Variants in UBR3 observed in about 807,000 individuals in gnomAD.
UBR3 encodes E3 ubiquitin-protein ligase UBR3.
In UBR3, 85 loss-of-function variants were observed where a neutral mutation model predicts 243.2. The ratio of observed to expected loss-of-function variants is 0.35; its 90% CI spans 0.29 to 0.42. The LOEUF is 0.42. Ranked by LOEUF, UBR3 falls within the 10% of genes least tolerant of loss-of-function variation. The probability of loss-of-function intolerance (pLI) is 1.00; values close to 1 mark genes in which losing one functional copy is unlikely to be tolerated. For missense variants in UBR3, 1,686 were observed against 2,300.8 expected, an observed-to-expected ratio of 0.73 and a Z score of 5.47; for synonymous variants, 748 against 799.8, an observed-to-expected ratio of 0.94 and a Z score of 1.09.
chr2:169,857,219 C>T (rs2082917786), intron 1 of UBR3, among the ~76,000 whole-genome samples: 1 of 150,520 alleles, frequency 6.6e-6, no homozygotes, highest in Admixed American at 6.6e-5. Context: ...GACTTACAGG[C>T]ACGTGTCACC....
chr2:169,878,044 A>G (rs1253709793), intron 4 of UBR3, among the ~76,000 whole-genome samples: 2 of 152,156 alleles, frequency 1.3e-5, no homozygotes, highest in Non-Finnish European at 2.9e-5. Context: ...GTATCAACCT[A>G]TTAGGTCCAA....
At chr2:170,040,736 A>C in intron 31 of UBR3, 146 bp from the exon 32 acceptor site, 2 of 634,742 alleles carry the variant, frequency 3.2e-6, no homozygotes, top group South Asian at 3.2e-5. Flanking sequence ...TTTGCAAAAA[A>C]TATGACTCCT....
intron 24 of UBR3, among the ~76,000 whole-genome samples, chr2:169,973,518 C>T (rs2088275446): frequency 6.6e-6 from 1 of 151,960 alleles, no homozygotes; most frequent in Non-Finnish European, 1.5e-5. Flanking sequence ...TCAAACTATA[C>T]TAGAAACACT....
At chr2:169,941,256 A>C (rs2086574415) in intron 19 of UBR3, among the ~76,000 whole-genome samples, 1 of 152,226 alleles carries the variant, frequency 6.6e-6, no homozygotes, top group Non-Finnish European at 1.5e-5. Flanking sequence ...ACATGTTCCA[A>C]GACCCACAGT....
chr2:169,896,148 C>T (rs1331052877), intron 7 of UBR3, among the ~76,000 whole-genome samples: 2 of 152,032 alleles, frequency 1.3e-5, no homozygotes, highest in African/African-American at 4.8e-5. Context: ...ATTAGTTGGG[C>T]GTGATGGCGT....
intron 32 of UBR3, among the ~76,000 whole-genome samples, chr2:170,049,983 A>G (rs1050173701): frequency 6.6e-6 from 1 of 152,190 alleles, no homozygotes; most frequent in African/African-American, 2.4e-5. Flanking sequence ...TAACACTTAT[A>G]TTGTGATCAC....
rs1228457608 is a variant in UBR3, at chr2:170,061,121, T to C, written c.4828T>C (p.Phe1610Leu). The change falls in exon 34 of 39, where the codon TTT (phenylalanine) becomes CTT (leucine). Residue 1610 changes from phenylalanine to leucine, a missense_variant. Phe to Leu is a conservative substitution (Grantham distance 22). This residue lies in a region of UBR3 where 371 missense variants were observed against 422.5 expected (regional missense o/e 0.88). Coordinates refer to ENST00000272793, the MANE Select transcript of UBR3 (RefSeq NM_172070.4). ...AEKSYEVLLSFVISELFKGKL... is the reference protein window; with the variant it reads ...AEKSYEVLLSLVISELFKGKL... ...AAAGTCTTACGAAGTATTACTGAGC[T>C]TTGTGATAAGTGAACTATTTAAAGG... 1 of 1,600,156 alleles carries C rather than the reference T, an allele frequency of 6.2e-7. No homozygotes were observed. The highest frequency in any genetic ancestry group is 8.5e-7 in the Non-Finnish European group (1 of 1,176,288).
intron 32 of UBR3, among the ~76,000 whole-genome samples, chr2:170,045,833 A>G (rs568496361): frequency 6.6e-6 from 1 of 152,276 alleles, no homozygotes; most frequent in South Asian, 2.1e-4. Context: ...AGTCTTCAGT[A>G]TGTATCTCTA....
intron 5 of UBR3, among the ~76,000 whole-genome samples, chr2:169,888,639 A>T (rs1187571784): frequency 6.6e-6 from 1 of 152,178 alleles, no homozygotes; most frequent in African/African-American, 2.4e-5. Context: ...GCATATGCTA[A>T]AGGTTATGAT....
At chr2:170,042,855 G>A (rs955835201) in intron 32 of UBR3, among the ~76,000 whole-genome samples, 1 of 151,528 alleles carries the variant, frequency 6.6e-6, no homozygotes, top group Non-Finnish European at 1.5e-5. Flanking sequence ...TTTTTTGGGG[G>A]GTTAGACTGT....
At chr2:169,874,552 T>C (rs776965022) in intron 2 of UBR3, among the ~76,000 whole-genome samples, 1 of 152,218 alleles carries the variant, frequency 6.6e-6, no homozygotes, top group African/African-American at 2.4e-5. Flanking sequence ...TCCAAGGTAA[T>C]GAAAACTCAG....
intron 19 of UBR3, among the ~76,000 whole-genome samples, chr2:169,941,154 T>C (rs900290955): frequency 6.6e-6 from 1 of 152,194 alleles, no homozygotes; most frequent in Non-Finnish European, 1.5e-5. Context: ...TTCACTTCAC[T>C]TCATCTCATC....
chr2:169,897,394 C>T (rs1340121007), intron 8 of UBR3, among the ~76,000 whole-genome samples: 1 of 151,992 alleles, frequency 6.6e-6, no homozygotes, highest in Non-Finnish European at 1.5e-5. Flanking sequence ...TCTCATTTCT[C>T]TATAGTTACT....
At chr2:169,929,027 T>C (rs1423721056) in intron 18 of UBR3, among the ~76,000 whole-genome samples, 159 bp downstream of exon 18, 3 of 152,222 alleles carry the variant, frequency 2.0e-5, no homozygotes, top group African/African-American at 7.2e-5. Context: ...TAAACAGTGA[T>C]ACTGCTTTCA....
At chr2:169,897,909 T>A (rs1193466685) in intron 8 of UBR3, among the ~76,000 whole-genome samples, 1 of 152,212 alleles carries the variant, frequency 6.6e-6, no homozygotes, top group Non-Finnish European at 1.5e-5. Flanking sequence ...TTGGCATTAT[T>A]ATTATCCTTG....
intron 29 of UBR3, among the ~76,000 whole-genome samples, chr2:170,010,583 A>T (rs1020846983): frequency 6.6e-6 from 1 of 152,142 alleles, no homozygotes; most frequent in Non-Finnish European, 1.5e-5. Flanking sequence ...GCTTGCAGTG[A>T]TAGTGGGAGA....
chr2:170,068,650 A>G (rs1368038233), intron 35 of UBR3, among the ~76,000 whole-genome samples: 1 of 152,178 alleles, frequency 6.6e-6, no homozygotes, highest in Non-Finnish European at 1.5e-5. Context: ...AACAGTAGAG[A>G]AAATGAATGA....
chr2:169,924,557 G>A (rs1431034563), intron 13 of UBR3, among the ~76,000 whole-genome samples: 1 of 150,928 alleles, frequency 6.6e-6, no homozygotes, highest in African/African-American at 2.5e-5. Flanking sequence ...AGGAGAAAGA[G>A]GAGAGAAGAA....
At chr2:169,859,323 G>A (rs999752152) in intron 1 of UBR3, among the ~76,000 whole-genome samples, 5 of 152,030 alleles carry the variant, frequency 3.3e-5, no homozygotes, top group Admixed American at 6.6e-5. Flanking sequence ...CACCCGCCTC[G>A]GCTTCCCAGA....
Sources: gnomAD v4.1 joint callset for allele counts (sites outside exome capture counted in the v4.1 genomes callset) on GRCh38, gnomAD v4.1.1 for gene constraint, gnomAD v4.1.1 regional missense constraint, MANE v1.5 for transcripts, NCBI Gene and HGNC (gene_info 2026-07-23, HGNC 2026-07-21) for gene names.